Variants in OLFM3 observed in about 807,000 individuals in gnomAD.
OLFM3 encodes noelin-3.
OLFM3 carries 20 observed loss-of-function variants against 48.6 expected under a neutral mutation model. The ratio of observed to expected loss-of-function variants is 0.41; its 90% CI spans 0.29 to 0.60. OLFM3 has a LOEUF of 0.60. Among genes scored for constraint, OLFM3 ranks in the 20% least tolerant of loss-of-function variants. The probability of loss-of-function intolerance (pLI) is 0.28; values close to 1 mark genes in which losing one functional copy is unlikely to be tolerated. For synonymous variants in OLFM3, 222 were observed against 198.1 expected, an observed-to-expected ratio of 1.12 and a Z score of -1.01; for missense variants, 437 against 544.3, an observed-to-expected ratio of 0.80 and a Z score of 1.96.
chr1:101,846,188 T>C (rs1655984021), intron 1 of OLFM3, among the ~76,000 whole-genome samples: 1 of 152,216 alleles, frequency 6.6e-6, no homozygotes, highest in Non-Finnish European at 1.5e-5. Context: ...CCATTAATTT[T>C]AGATGAATGA....
intron 1 of OLFM3, among the ~76,000 whole-genome samples, chr1:101,929,392 T>C (rs1425139537): frequency 6.6e-6 from 1 of 152,130 alleles, no homozygotes; most frequent in African/African-American, 2.4e-5. Flanking sequence ...AAAGTGCTAG[T>C]TGAATTACAG....
At chr1:101,966,140 A>G (rs1347386556) in intron 1 of OLFM3, among the ~76,000 whole-genome samples, 1 of 151,798 alleles carries the variant, frequency 6.6e-6, no homozygotes, top group Non-Finnish European at 1.5e-5. Context: ...TAACCTTCTC[A>G]TATGTTTTTT....
chr1:101,812,086 C>CA lies in OLFM3; in HGVS notation c.593-5905dup, dbSNP rs1437350569. Among the ~76,000 whole-genome samples the CA allele has an allele frequency of 1.0e-4, 15 of 149,880 alleles. No homozygotes were observed. The East Asian group carries it at 2.0e-3, about 20-fold the overall frequency. On this transcript the variant is annotated intron_variant, in intron 4 of 5. Transcript: ENST00000370103. ...CATTCTCAGCAAACTATCACAAGGACAAAAAACCAAACACCACATGTTCTC... is the reference window on the plus strand; with the variant it reads ...CATTCTCAGCAAACTATCACAAGGACAAAAAAACCAAACACCACATGTTCTC...
chr1:101,897,057 T>G (rs1281608659), intron 1 of OLFM3, among the ~76,000 whole-genome samples: 1 of 152,190 alleles, frequency 6.6e-6, no homozygotes, highest in African/African-American at 2.4e-5. Context: ...GCTTAGGATG[T>G]CCATAAGTGC....
Position 101,804,490 on chromosome 1 carries a change from C to T in OLFM3, c.1125G>A (p.Gly375=), listed in dbSNP as rs780390551. 3.7e-6 allele frequency: 6 copies of T among 1,612,590 alleles called. No individual in the cohort carries two copies. Among genetic ancestry groups the T allele is most frequent in the Non-Finnish European group, 4.2e-6 (5 of 1,179,090 alleles). Residue 375 remains glycine (G), a synonymous_variant, in exon 6 of 6, where the codon GGG becomes GGA. Coordinates refer to ENST00000370103, the MANE Select transcript of OLFM3 (RefSeq NM_058170.4). This position sits in a 1 kb window ranked among gnomAD's most constrained non-coding sequence, Gnocchi z 4.5. ...WSTGYPKRSA[G]ESFMICGTLY... is the part of the protein sequence containing the mutation. ...GTGTCCCACAGATCATGAAAGATTC[C>T]CCTGCACTTCTCTTGGGGTAGCCAG...
intron 1 of OLFM3, among the ~76,000 whole-genome samples, chr1:101,888,165 G>C (rs1657843521): frequency 6.6e-6 from 1 of 152,038 alleles, no homozygotes; most frequent in Admixed American, 6.6e-5. Flanking sequence ...AGTTCATATA[G>C]AACCAAAAGA....
At chr1:101,978,330 GA>G (rs1661010555) in intron 1 of OLFM3, among the ~76,000 whole-genome samples, 1 of 151,912 alleles carries the variant, frequency 6.6e-6, no homozygotes. Flanking sequence ...ATAAGATACG[GA>G]AAAGAAAAGG....
At chr1:101,954,594 A>G (rs1235008074) in intron 1 of OLFM3, among the ~76,000 whole-genome samples, 1 of 152,102 alleles carries the variant, frequency 6.6e-6, no homozygotes, top group Non-Finnish European at 1.5e-5. Flanking sequence ...TTTTGGCTAA[A>G]AGTAATAACT....
At chr1:101,925,867 G>C (rs1659255800) in intron 1 of OLFM3, among the ~76,000 whole-genome samples, 1 of 152,022 alleles carries the variant, frequency 6.6e-6, no homozygotes, top group Non-Finnish European at 1.5e-5. Flanking sequence ...GGCTTCTGTA[G>C]GACGTTGACA....
intron 1 of OLFM3, among the ~76,000 whole-genome samples, chr1:101,994,852 C>T (rs1236906834): frequency 1.3e-5 from 2 of 151,846 alleles, no homozygotes; most frequent in Non-Finnish European, 2.9e-5. Flanking sequence ...GTATGCCTTC[C>T]CTGGATTTTT....
At chr1:101,987,235 G>C (rs1346282973) in intron 1 of OLFM3, among the ~76,000 whole-genome samples, 1 of 152,042 alleles carries the variant, frequency 6.6e-6, no homozygotes, top group Non-Finnish European at 1.5e-5. Flanking sequence ...TCAGTTTGGG[G>C]TCATTATATT....
At chr1:101,990,821 A>G (rs1237763116) in intron 1 of OLFM3, among the ~76,000 whole-genome samples, 2 of 150,666 alleles carry the variant, frequency 1.3e-5, no homozygotes, top group Non-Finnish European at 3.0e-5. Context: ...CGTCTCTACT[A>G]AAAATACAAA....
intron 1 of OLFM3, among the ~76,000 whole-genome samples, chr1:101,990,811 C>G (rs903666826): frequency 2.0e-5 from 3 of 150,354 alleles, no homozygotes; most frequent in Non-Finnish European, 3.0e-5. Context: ...AGTGAGACCC[C>G]GTCTCTACTA....
At chr1:101,876,433 T>C (rs1376698736) in intron 1 of OLFM3, among the ~76,000 whole-genome samples, 2 of 152,030 alleles carry the variant, frequency 1.3e-5, no homozygotes, top group Non-Finnish European at 1.5e-5. Context: ...AAAGTGCTTT[T>C]ACAAAATTAC....
chr1:101,988,875 T>C (rs961992635), intron 1 of OLFM3, among the ~76,000 whole-genome samples: 2 of 152,052 alleles, frequency 1.3e-5, no homozygotes, highest in African/African-American at 4.8e-5. Flanking sequence ...CTAAATACTA[T>C]TTCAAAAAGA....
At chr1:101,836,839 AT>A (rs777807512) in intron 2 of OLFM3, 39 bp downstream of exon 2, 23 of 1,601,928 alleles carry the variant, frequency 1.4e-5, no homozygotes, top group Non-Finnish European at 1.7e-5. Context: ...AGAATGGTCG[AT>A]TTTACTAAAA....
intron 4 of OLFM3, among the ~76,000 whole-genome samples, chr1:101,815,416 C>T (rs1439261328): frequency 6.7e-6 from 1 of 149,872 alleles, no homozygotes; most frequent in Non-Finnish European, 1.5e-5. Context: ...CACTGCATTC[C>T]AGCCTGGGTG....
intron 1 of OLFM3, among the ~76,000 whole-genome samples, chr1:101,884,790 C>G (rs74812418): frequency 1.3e-5 from 2 of 151,966 alleles, no homozygotes; most frequent in African/African-American, 4.8e-5. Context: ...TTAGTAAGGG[C>G]TTGCCTTTTA....
chr1:101,875,118 A>AC (rs1657246512), intron 1 of OLFM3, among the ~76,000 whole-genome samples: 1 of 152,048 alleles, frequency 6.6e-6, no homozygotes, highest in East Asian at 1.9e-4. Context: ...AATGAAGAAA[A>AC]ATTAAATGAT....
Sources: allele counts gnomAD v4.1 joint callset (sites outside exome capture counted in the v4.1 genomes callset), GRCh38; gene constraint gnomAD v4.1.1; non-coding constraint Gnocchi (gnomAD v3.1); transcripts MANE v1.5; gene names NCBI Gene and HGNC (gene_info 2026-07-23, HGNC 2026-07-21).